Variants in SLC2A9 observed in about 807,000 individuals in gnomAD.
The protein encoded by SLC2A9 is solute carrier family 2 member 9.
A neutral mutation model predicts 50.6 loss-of-function variants in SLC2A9; 39 were observed. That is an observed-to-expected ratio of 0.77 (90% CI 0.60 to 1.01). SLC2A9 has a LOEUF of 1.01. Among genes scored for constraint, SLC2A9 ranks in the 50% least tolerant of loss-of-function variants. The probability of loss-of-function intolerance (pLI) is 0.00; values close to 1 mark genes in which losing one functional copy is unlikely to be tolerated. For missense variants in SLC2A9, 686 were observed against 677.6 expected (o/e 1.01, Z -0.14); for synonymous variants, 324 against 276.9 (o/e 1.17, Z -1.69).
At chr4:9,990,424 C>T (rs1321664769) in intron 3 of SLC2A9, among the ~76,000 whole-genome samples, 1 of 152,054 alleles carries the variant, frequency 6.6e-6, no homozygotes, top group East Asian at 1.9e-4. Flanking sequence ...GAAGGGCTCC[C>T]TTATCAGGGA....
chr4:9,829,040 C>T (rs1324652498), intron 11 of SLC2A9, among the ~76,000 whole-genome samples: 1 of 152,190 alleles, frequency 6.6e-6, no homozygotes, highest in Non-Finnish European at 1.5e-5. Flanking sequence ...TCTTGCTTGG[C>T]TTTCTTTTCC....
chr4:9,868,436 C>T (rs948493364), intron 10 of SLC2A9, among the ~76,000 whole-genome samples: 3 of 152,244 alleles, frequency 2.0e-5, no homozygotes, highest in Non-Finnish European at 4.4e-5. Flanking sequence ...AAGCCCTTGA[C>T]TTTAAAGCAT....
chr4:9,875,611 G>T (rs1326888091), intron 10 of SLC2A9, among the ~76,000 whole-genome samples: 4 of 152,188 alleles, frequency 2.6e-5, no homozygotes, highest in African/African-American at 9.7e-5. Flanking sequence ...TAGACCTTAA[G>T]AACTCTGGCT....
chr4:9,784,276 C>G (rs896913692), intron 3 of SLC2A9, among the ~76,000 whole-genome samples: 2 of 143,532 alleles, frequency 1.4e-5, no homozygotes, highest in African/African-American at 5.3e-5. Flanking sequence ...CTTCTCAAGA[C>G]CAGATGTTTT....
chr4:9,775,389 G>C (rs917414119), downstream of SLC2A9, among the ~76,000 whole-genome samples: 1 of 152,180 alleles, frequency 6.6e-6, no homozygotes, highest in Non-Finnish European at 1.5e-5. Flanking sequence ...CAGGAGACCA[G>C]CCCAGAAGCA....
chr4:9,877,373 T>C (rs1450836449), intron 10 of SLC2A9, among the ~76,000 whole-genome samples: 3 of 152,188 alleles, frequency 2.0e-5, no homozygotes, highest in Non-Finnish European at 4.4e-5. Context: ...CCACCCAACT[T>C]GGGGTAGTGC....
At chr4:10,035,600 A>C (rs979288638) in intron 1 of SLC2A9, 1 of 152,132 alleles carries the variant, frequency 6.6e-6, no homozygotes, top group Non-Finnish European at 1.5e-5. Flanking sequence ...GAATCCCTAG[A>C]AAGCTGGTCA....
chr4:9,802,464 G>A (rs572138044), intron 3 of SLC2A9, among the ~76,000 whole-genome samples: 2 of 152,024 alleles, frequency 1.3e-5, no homozygotes, highest in Non-Finnish European at 2.9e-5. Flanking sequence ...ATGATATGGA[G>A]GAAGGGACTG....
At chr4:9,944,394 T>C (rs1748736659) in intron 5 of SLC2A9, among the ~76,000 whole-genome samples, 1 of 152,246 alleles carries the variant, frequency 6.6e-6, no homozygotes, top group African/African-American at 2.4e-5. Flanking sequence ...TGTTTCACAT[T>C]GCATGACTTA....
At chr4:9,776,365 T>G (rs1247380030), downstream of SLC2A9, among the ~76,000 whole-genome samples, 4 of 152,048 alleles carry the variant, frequency 2.6e-5, no homozygotes, top group African/African-American at 9.7e-5. Context: ...TTCTCGCCAC[T>G]GATATTCAGC....
At chr4:9,942,366 A>G (rs1237445926) in intron 5 of SLC2A9, among the ~76,000 whole-genome samples, 1 of 152,152 alleles carries the variant, frequency 6.6e-6, no homozygotes, top group Non-Finnish European at 1.5e-5. Flanking sequence ...AACCATGGTG[A>G]GCCTGGGGGA....
At chr4:9,983,382 C>T (rs10033612) in intron 4 of SLC2A9, among the ~76,000 whole-genome samples, 29,763 of 152,194 alleles carry the variant, frequency 0.2, 3,144 homozygotes, top group African/African-American at 0.22. Flanking sequence ...CACCAGCAAA[C>T]GTGCATGCAA....
intron 1 of SLC2A9, among the ~76,000 whole-genome samples, chr4:10,029,726 G>A (rs1305068789): frequency 2.6e-5 from 4 of 151,676 alleles, no homozygotes; most frequent in Non-Finnish European, 5.9e-5. Context: ...AAGCGATTCT[G>A]CTGCCTCAGC....
chr4:9,991,683 C>A (rs1055237141), intron 3 of SLC2A9, among the ~76,000 whole-genome samples: 5 of 152,108 alleles, frequency 3.3e-5, no homozygotes, highest in Non-Finnish European at 7.3e-5. Context: ...CACAAGGAAG[C>A]GGCCCTAATG....
intron 5 of SLC2A9, among the ~76,000 whole-genome samples, chr4:9,943,862 G>T (rs1338861878): frequency 5.9e-5 from 9 of 152,136 alleles, no homozygotes. Context: ...CGGATGTGAT[G>T]TGAGCCCTTC....
intron 2 of SLC2A9, among the ~76,000 whole-genome samples, chr4:10,011,138 T>C (rs1423304535): frequency 6.6e-6 from 1 of 152,232 alleles, no homozygotes; most frequent in Non-Finnish European, 1.5e-5. Flanking sequence ...GGCTCCATAC[T>C]GTCGGCCCTG....
intron 5 of SLC2A9, among the ~76,000 whole-genome samples, chr4:9,948,732 AG>A (rs1341637568): frequency 6.6e-6 from 1 of 152,168 alleles, no homozygotes; most frequent in African/African-American, 2.4e-5. Flanking sequence ...TGTTGTGCTG[AG>A]GGTTGCTCAC....
At chr4:9,793,524 T>C (rs1469645295) in intron 3 of SLC2A9, among the ~76,000 whole-genome samples, 2 of 152,222 alleles carry the variant, frequency 1.3e-5, no homozygotes, top group African/African-American at 4.8e-5. Context: ...CCCATTAAGA[T>C]AGAACATTGT....
At chr4:9,807,892 C>A (rs1722332534) in intron 3 of SLC2A9, among the ~76,000 whole-genome samples, 1 of 152,226 alleles carries the variant, frequency 6.6e-6, no homozygotes, top group Non-Finnish European at 1.5e-5. Context: ...CTTGTCCCAG[C>A]AAGTGAAGGT....
Sources: gnomAD v4.1 joint callset for allele counts (sites outside exome capture counted in the v4.1 genomes callset) on GRCh38, gnomAD v4.1.1 for gene constraint, MANE v1.5 for transcripts, NCBI Gene and HGNC (gene_info 2026-07-23, HGNC 2026-07-21) for gene names.